Variants in SLCO5A1 observed in about 807,000 individuals in gnomAD.
SLCO5A1 encodes organic anion transporter polypeptide-related protein 4.
SLCO5A1 carries 39 observed loss-of-function variants against 65.1 expected under a neutral mutation model. The observed-to-expected ratio is 0.60, with a 90% CI of 0.46 to 0.78. The LOEUF (loss-of-function observed/expected upper bound fraction) is 0.78, where lower values mean the gene tolerates loss of function less well. Ranked by LOEUF, SLCO5A1 falls within the 30% of genes least tolerant of loss-of-function variation. SLCO5A1 has a pLI of 0.00. For missense variants in SLCO5A1, 1,029 were observed against 1,069.4 expected, an observed-to-expected ratio of 0.96 and a Z score of 0.53; for synonymous variants, 438 against 415.7, an observed-to-expected ratio of 1.05 and a Z score of -0.65.
rs150502416 is a variant in SLCO5A1, at chr8:69,760,339, A to G, written c.1040+1404T>C. Reference sequence around the variant, plus strand: ...CCTTTCTGTATGATTTAAAAATTCTACCAGACATAACACTTCCAGCTTCAA... The same window carrying G: ...CCTTTCTGTATGATTTAAAAATTCTGCCAGACATAACACTTCCAGCTTCAA... On this transcript the variant is annotated intron_variant, in intron 3 of 9. Transcript: ENST00000260126. 7.3e-3 allele frequency among the ~76,000 whole-genome samples: 1,112 copies of G among 152,304 alleles called. 11 individuals are homozygous for G. The highest frequency in any genetic ancestry group is 0.026 in the African/African-American group (1,065 of 41,566).
At chr8:69,784,811 A>AAGAAAGAAAGAAAGAAAG (rs1554620797) in intron 2 of SLCO5A1, among the ~76,000 whole-genome samples, 16 of 70,948 alleles carry the variant, frequency 2.3e-4, no homozygotes, top group African/African-American at 1.2e-3. Context: ...GAAAGAAAGA[A>AAGAAAGAAAGAAAGAAAG]AAAGAAAGAA....
intron 6 of SLCO5A1, among the ~76,000 whole-genome samples, chr8:69,687,135 T>C (rs1257094044): frequency 1.3e-5 from 2 of 152,176 alleles, no homozygotes; most frequent in Non-Finnish European, 2.9e-5. Context: ...ACATTTTTCC[T>C]TTCAAAAAGG....
In SLCO5A1 at chr8:69,680,197, G is replaced by A. The variant is rs367747353; in HGVS notation, c.1783-578C>T. On this transcript the variant is annotated intron_variant, in intron 7 of 9. Coordinates refer to ENST00000260126, the MANE Select transcript of SLCO5A1 (RefSeq NM_030958.3). ...TGCAGGTTTGTTACACGGGTCTATT[G>A]TGTGATGCTGAGGTTTGGTGTACAG... Among the ~76,000 whole-genome samples, 43 of 152,206 alleles carry A rather than the reference G, an allele frequency of 2.8e-4. No homozygotes were observed. The East Asian group carries it at 8.1e-3, about 29-fold the overall frequency.
In SLCO5A1 at chr8:69,683,423, G is replaced by A. The variant is rs538516951; in HGVS notation, c.1623-1080C>T. On this transcript the variant is annotated intron_variant, in intron 6 of 9. Transcript: ENST00000260126. The stretch of plus-strand genomic sequence containing the variant: ...TCTTTTTTGAAATAGATTTAGAGGG[G>A]GTGAAAGAACAGTTTTGTCATGTGG... Among the ~76,000 whole-genome samples, 13 of 152,174 alleles carry A rather than the reference G, an allele frequency of 8.5e-5. No homozygotes were observed. In the East Asian group the frequency reaches 1.9e-3, roughly 23 times the overall value.
intron 4 of SLCO5A1, among the ~76,000 whole-genome samples, chr8:69,746,486 C>T (rs1334098640): frequency 1.3e-5 from 2 of 151,996 alleles, no homozygotes; most frequent in African/African-American, 4.8e-5. Context: ...TGAAAGCAAC[C>T]AGAGTAGAAG....
intron 6 of SLCO5A1, among the ~76,000 whole-genome samples, chr8:69,687,487 C>T (rs1049779808): frequency 3.9e-5 from 6 of 152,186 alleles, no homozygotes; most frequent in Non-Finnish European, 7.3e-5. Flanking sequence ...TAATAACCCA[C>T]AATATGTACA....
intron 2 of SLCO5A1, among the ~76,000 whole-genome samples, chr8:69,792,852 T>C (rs1819328707): frequency 6.6e-6 from 1 of 152,188 alleles, no homozygotes; most frequent in Admixed American, 6.5e-5. Flanking sequence ...GCACTAATCA[T>C]AGGACTTAAT....
At chr8:69,739,807 C>T (rs1291822291) in intron 4 of SLCO5A1, among the ~76,000 whole-genome samples, 2 of 152,012 alleles carry the variant, frequency 1.3e-5, no homozygotes, top group African/African-American at 4.8e-5. Context: ...ATCCTACAGC[C>T]TCTTGTAAAC....
At chr8:69,765,401 T>TATATATAC (rs918909833) in intron 2 of SLCO5A1, among the ~76,000 whole-genome samples, 8 of 149,638 alleles carry the variant, frequency 5.3e-5, no homozygotes, top group African/African-American at 2.0e-4. Flanking sequence ...TATATATATA[T>TATATATAC]ACACACACAC....
chr8:69,682,477 T>G, intron 6 of SLCO5A1, 134 bp from the exon 7 acceptor site: 1 of 800,320 alleles, frequency 1.2e-6, no homozygotes, highest in South Asian at 3.1e-5. Context: ...ATACCCAAAG[T>G]AGTCATCCTC....
Position 69,700,802 on chromosome 8 carries a change from C to T in SLCO5A1, c.1622+4229G>A, listed in dbSNP as rs544381213. Among the ~76,000 whole-genome samples, 63 of 151,610 alleles carry T rather than the reference C, an allele frequency of 4.2e-4. 1 individual carries two copies. The highest frequency in any genetic ancestry group is 2.5e-3 in the South Asian group (12 of 4,798). On this transcript the variant is annotated intron_variant, in intron 6 of 9. Coordinates refer to ENST00000260126, the MANE Select transcript of SLCO5A1 (RefSeq NM_030958.3). ...CAGCCACCTTGGCAATCAAATGTAA[C>T]GGTGTGTATGTGTGTGTATATATTT...
rs554743218 is a variant in SLCO5A1, at chr8:69,766,943, A to C, written c.908-5068T>G. On this transcript the variant is annotated intron_variant, in intron 2 of 9. Coordinates refer to ENST00000260126, the MANE Select transcript of SLCO5A1 (RefSeq NM_030958.3). ...TGAACGCTCTACTGTCATGAACAAC[A>C]GTAGATGTCATGATGAAACTCTTCC... Among the ~76,000 whole-genome samples, 25 of 152,362 alleles carry C rather than the reference A, an allele frequency of 1.6e-4. No homozygotes were observed. The Middle Eastern group carries it at 0.01, about 62-fold the overall frequency.
intron 6 of SLCO5A1, among the ~76,000 whole-genome samples, chr8:69,695,708 T>C (rs1485642043): frequency 6.6e-6 from 1 of 151,966 alleles, no homozygotes; most frequent in East Asian, 1.9e-4. Flanking sequence ...AACCCAAGAC[T>C]CAACAATGGT....
chr8:69,829,000 T>C (rs907127845), intron 2 of SLCO5A1, among the ~76,000 whole-genome samples: 1 of 152,088 alleles, frequency 6.6e-6, no homozygotes, highest in Non-Finnish European at 1.5e-5. Flanking sequence ...GAGGCAAAGA[T>C]CAGCAAGAAT....
chr8:69,756,673 AAGT>A (rs1029636340), intron 3 of SLCO5A1, among the ~76,000 whole-genome samples: 1 of 152,254 alleles, frequency 6.6e-6, no homozygotes, highest in African/African-American at 2.4e-5. Flanking sequence ...TTCCTAAAAG[AAGT>A]AGAACAGGAG....
chr8:69,697,671 A>C (rs969154954), intron 6 of SLCO5A1, among the ~76,000 whole-genome samples: 1 of 152,008 alleles, frequency 6.6e-6, no homozygotes, highest in African/African-American at 2.4e-5. Context: ...ATCATTCCTT[A>C]AGAAATTTCA....
At chr8:69,823,115 G>A (rs117516890) in intron 2 of SLCO5A1, among the ~76,000 whole-genome samples, 2 of 152,226 alleles carry the variant, frequency 1.3e-5, no homozygotes, top group East Asian at 1.9e-4. Context: ...AATTACAAAT[G>A]TCTTGCCTCC....
chr8:69,796,248 GT>G lies in SLCO5A1; in HGVS notation c.908-34374del, dbSNP rs540338937. ...ATTCCTCCCTAGAAAATGAGAGTTG[GT>G]TTTTTTTTTTTCCTACCTCATGGCC... On this transcript the variant is annotated intron_variant, in intron 2 of 9. Coordinates refer to ENST00000260126, the MANE Select transcript of SLCO5A1 (RefSeq NM_030958.3). Among the ~76,000 whole-genome samples the G allele has an allele frequency of 2.1e-3, 299 of 145,548 alleles. 7 individuals carry two copies. In the South Asian group the frequency reaches 0.053, roughly 26 times the overall value.
At chr8:69,731,584 G>T (rs1471889528) in intron 5 of SLCO5A1, among the ~76,000 whole-genome samples, 1 of 152,168 alleles carries the variant, frequency 6.6e-6, no homozygotes, top group African/African-American at 2.4e-5. Flanking sequence ...TGAGTGTTCT[G>T]ACTTTTTGTC....
Sources: allele counts gnomAD v4.1 joint callset (sites outside exome capture counted in the v4.1 genomes callset), GRCh38; gene constraint gnomAD v4.1.1; transcripts MANE v1.5; gene names NCBI Gene and HGNC (gene_info 2026-07-23, HGNC 2026-07-21).